EPHB1: variants seen among roughly 807,000 people sequenced by gnomAD.
The protein encoded by EPHB1 is ephrin type-B receptor 1.
Under a neutral mutation model 94.4 loss-of-function variants are expected in EPHB1, and 30 were observed. That is an observed-to-expected ratio of 0.32 (90% confidence interval 0.24 to 0.43). The LOEUF is 0.43. Among genes scored for constraint, EPHB1 ranks in the 20% least tolerant of loss-of-function variants. EPHB1 has a pLI of 1.00. For missense variants in EPHB1, 1,055 were observed against 1,308.3 expected (o/e 0.81, Z 2.99); for synonymous variants, 522 against 489.1 (o/e 1.07, Z -0.89).
chr3:135,248,151 A>C (rs1943972775), intron 13 of EPHB1, among the ~76,000 whole-genome samples, 165 bp from the exon 14 acceptor site: 1 of 152,218 alleles, frequency 6.6e-6, no homozygotes, highest in Non-Finnish European at 1.5e-5. Flanking sequence ...CTAGGGGGAT[A>C]AACCAAGTGC....
Position 135,202,420 on chromosome 3 carries a change from C to A in EPHB1, c.2346+731C>A, listed in dbSNP as rs575139520. Reference sequence around the variant, plus strand: ...TTTATTTTCAATCCCTCAGCGGCCCCCATAGGGTACCAAAAAATCTATCCC... The same window carrying A: ...TTTATTTTCAATCCCTCAGCGGCCCACATAGGGTACCAAAAAATCTATCCC... On this transcript the variant is annotated intron_variant, in intron 12 of 15. Transcript: ENST00000398015. Among the ~76,000 whole-genome samples, 112 of 150,430 alleles carry A rather than the reference C, an allele frequency of 7.4e-4. 1 individual carries two copies. Among genetic ancestry groups the A allele is most frequent in the African/African-American group, 2.5e-3 (104 of 41,154 alleles).
At chr3:135,128,367 A>T (rs753491355) in intron 4 of EPHB1, among the ~76,000 whole-genome samples, 4 of 152,216 alleles carry the variant, frequency 2.6e-5, no homozygotes, top group Non-Finnish European at 5.9e-5. Context: ...GTGGCTTAGC[A>T]TCTTCCTCCA....
chr3:135,189,849 G>A (rs1249717298), intron 10 of EPHB1, among the ~76,000 whole-genome samples: 1 of 152,176 alleles, frequency 6.6e-6, no homozygotes, highest in Non-Finnish European at 1.5e-5. Context: ...ATATTCTGAT[G>A]CCACCCAACT....
At chr3:135,093,395 A>G (rs1938630116) in intron 3 of EPHB1, among the ~76,000 whole-genome samples, 1 of 151,898 alleles carries the variant, frequency 6.6e-6, no homozygotes, top group Admixed American at 6.6e-5. Context: ...ACTCCTACCT[A>G]CTATTTGAAA....
Position 135,132,759 on chromosome 3 carries a change from C to G in EPHB1, c.1007C>G (p.Thr336Arg), listed in dbSNP as rs961044599. 6.2e-7 allele frequency: 1 copy of G among 1,609,676 alleles called. No individual in the cohort carries two copies. Among genetic ancestry groups the G allele is most frequent in the Non-Finnish European group, 8.5e-7 (1 of 1,176,558 alleles). ...AATGTTATCTCCATCGTCAATGAGACGTCCATCATTCTGGAGTGGCACCCT... is the reference window on the plus strand; with the variant it reads ...AATGTTATCTCCATCGTCAATGAGAGGTCCATCATTCTGGAGTGGCACCCT... ...PRNVISIVNE[T>R]SIILEWHPPR... Residue 336 changes from threonine to arginine, a missense_variant, in exon 5 of 16, where the codon ACG (threonine) becomes AGG (arginine). Transcript: ENST00000398015.
At chr3:135,062,334 C>T (rs905070793) in intron 3 of EPHB1, among the ~76,000 whole-genome samples, 9 of 152,128 alleles carry the variant, frequency 5.9e-5, no homozygotes, top group Admixed American at 3.3e-4. Context: ...CCCTGATCAC[C>T]ACATCCACGC....
chr3:135,251,504 T>C (rs1227322355), intron 15 of EPHB1, among the ~76,000 whole-genome samples: 1 of 152,184 alleles, frequency 6.6e-6, no homozygotes, highest in African/African-American at 2.4e-5. Flanking sequence ...AGTGAAACTA[T>C]AAATTAAGGG....
intron 3 of EPHB1, among the ~76,000 whole-genome samples, chr3:135,003,875 C>G (rs145732541): frequency 0.14 from 21,739 of 151,118 alleles, 1,791 homozygotes; most frequent in African/African-American, 0.29. Context: ...GATGGGTTTC[C>G]TGATACAGCA....
intron 2 of EPHB1, among the ~76,000 whole-genome samples, chr3:134,935,115 C>G (rs561235825): frequency 1.4e-4 from 22 of 152,238 alleles, no homozygotes; most frequent in South Asian, 1.2e-3. Context: ...AAGTGGCTCT[C>G]CAGGGCAGGA....
Position 135,106,708 on chromosome 3 carries a change from C to T in EPHB1, c.961+105C>T, listed in dbSNP as rs1025792364. ...AAGACATCATCCTTTGATCCCAGGG[C>T]AAAGCAGAATTGCTGGCCATGGTGC... On this transcript the variant is annotated intron_variant, in intron 4 of 15. Transcript: ENST00000398015. The T allele has an allele frequency of 5.6e-6, 8 of 1,436,744 alleles. No individual in the cohort carries two copies. In the Admixed American group the frequency reaches 1.4e-4, roughly 25 times the overall value. The allele number at this position is 1,436,744 out of a possible 1,614,324, so 89.0% of individuals were successfully genotyped here. A position where few individuals can be genotyped will look rare whatever the true frequency, so the allele number is the denominator to read the frequency against.
At chr3:134,817,839 C>T (rs145447606) in intron 1 of EPHB1, among the ~76,000 whole-genome samples, 6 of 152,196 alleles carry the variant, frequency 3.9e-5, no homozygotes, top group African/African-American at 7.2e-5. Flanking sequence ...AATGGTCATC[C>T]ATAGAGGGAA....
At chr3:135,245,465 A>G (rs1183574102) in intron 13 of EPHB1, among the ~76,000 whole-genome samples, 1 of 150,414 alleles carries the variant, frequency 6.6e-6, no homozygotes, top group Non-Finnish European at 1.5e-5. Context: ...AAGAAAGTAA[A>G]CACACCAAAC....
chr3:134,889,044 T>C (rs1489580896), intron 1 of EPHB1, among the ~76,000 whole-genome samples: 1 of 152,174 alleles, frequency 6.6e-6, no homozygotes, highest in African/African-American at 2.4e-5. Flanking sequence ...TCATAGGTGC[T>C]GGGAAGAAAT....
chr3:134,904,931 G>A (rs1033181692), intron 1 of EPHB1, among the ~76,000 whole-genome samples: 1 of 152,190 alleles, frequency 6.6e-6, no homozygotes. Flanking sequence ...CCTTTTAGGG[G>A]AGCGGGCTTT....
chr3:135,168,421 C>A (rs561190101), intron 9 of EPHB1, among the ~76,000 whole-genome samples: 1 of 152,362 alleles, frequency 6.6e-6, no homozygotes, highest in East Asian at 1.9e-4. Context: ...TCCATTGTCA[C>A]TGATTTCAGA....
intron 7 of EPHB1, 37 bp downstream of exon 7, chr3:135,162,217 CA>C: frequency 2.6e-6 from 4 of 1,532,424 alleles, no homozygotes; most frequent in Non-Finnish European, 3.5e-6. Context: ...AATCACAGGG[CA>C]GGCAGTGTGG....
intron 2 of EPHB1, among the ~76,000 whole-genome samples, chr3:134,946,227 G>A (rs1001023118): frequency 4.6e-5 from 7 of 152,196 alleles, no homozygotes; most frequent in East Asian, 1.9e-4. Context: ...TCTGTAGTGC[G>A]TCAGAGAGAG....
chr3:135,011,964 T>A (rs1576315569), intron 3 of EPHB1, among the ~76,000 whole-genome samples: 1 of 77,900 alleles, frequency 1.3e-5, no homozygotes, highest in Admixed American at 1.1e-4. Context: ...GCAGTCCAGA[T>A]TTTTTTTACT....
chr3:134,891,886 C>T (rs1329382980), intron 1 of EPHB1, among the ~76,000 whole-genome samples: 3 of 152,212 alleles, frequency 2.0e-5, no homozygotes, highest in African/African-American at 4.8e-5. Context: ...TTCCGTCACA[C>T]TATGCCATGT....
Sources: allele counts gnomAD v4.1 joint callset (sites outside exome capture counted in the v4.1 genomes callset), GRCh38; gene constraint gnomAD v4.1.1; transcripts MANE v1.5; gene names NCBI Gene and HGNC (gene_info 2026-07-23, HGNC 2026-07-21).